The following TMEM26 variants were observed in gnomAD, a reference collection of about 807,000 sequenced individuals.
The protein encoded by TMEM26 is transmembrane protein 26.
Under a neutral mutation model 28.8 loss-of-function variants are expected in TMEM26, and 38 were observed. That is an observed-to-expected ratio of 1.32 (90% CI 1.02 to 1.73). The LOEUF (loss-of-function observed/expected upper bound fraction) is 1.73, where lower values mean the gene tolerates loss of function less well. Among genes scored for constraint, TMEM26 ranks in the 40% most tolerant of loss-of-function variants. The pLI, the probability that TMEM26 is intolerant of heterozygous loss-of-function variation, is 0.00. For synonymous variants in TMEM26, 227 were observed against 182.9 expected, an observed-to-expected ratio of 1.24 and a Z score of -1.95; for missense variants, 518 against 447.1, an observed-to-expected ratio of 1.16 and a Z score of -1.43.
At position 61,437,960 on chromosome 10, in the gene TMEM26, T is replaced by C. The variant is rs551244715; in HGVS notation, c.192-1712A>G. On this transcript the variant is annotated intron_variant, in intron 1 of 5. Transcript: ENST00000399298. ...CATGTTAATTGCTCAACAAATAGAA[T>C]TGTTCGAGATGAAATGTTACCCAAA... Among the ~76,000 whole-genome samples the C allele has an allele frequency of 2.6e-5, 4 of 152,210 alleles. No homozygotes were observed. The South Asian group carries it at 8.3e-4, about 32-fold the overall frequency.
intron 2 of TMEM26, among the ~76,000 whole-genome samples, chr10:61,431,781 G>T (rs938939987): frequency 6.6e-6 from 1 of 151,712 alleles, no homozygotes; most frequent in Non-Finnish European, 1.5e-5. Context: ...TTGTTACATG[G>T]GTAAATGGCA....
chr10:61,443,587 T>C (rs1444975588), intron 1 of TMEM26, among the ~76,000 whole-genome samples: 1 of 152,174 alleles, frequency 6.6e-6, no homozygotes, highest in African/African-American at 2.4e-5. Flanking sequence ...GAAAATCCAT[T>C]GCAATGAAAT....
chr10:61,425,484 A>G (rs1289573907), intron 4 of TMEM26, among the ~76,000 whole-genome samples: 1 of 152,194 alleles, frequency 6.6e-6, no homozygotes, highest in Admixed American at 6.6e-5. Flanking sequence ...TTTTCAGAAG[A>G]TAAACATTAA....
intron 4 of TMEM26, chr10:61,416,056 C>T: frequency 2.2e-6 from 1 of 449,126 alleles, no homozygotes; most frequent in Non-Finnish European, 4.5e-6. Context: ...ATAATATTAC[C>T]TCAAAATAGA....
At chr10:61,451,523 C>T (rs1200107225) in intron 1 of TMEM26, among the ~76,000 whole-genome samples, 2 of 152,148 alleles carry the variant, frequency 1.3e-5, no homozygotes, top group East Asian at 1.9e-4. Flanking sequence ...GCTGAGTGAA[C>T]AAACACTTTT....
At chr10:61,410,895 A>T in intron 5 of TMEM26, 149 bp from the exon 6 acceptor site, 1 of 880,868 alleles carries the variant, frequency 1.1e-6, no homozygotes, top group Non-Finnish European at 1.7e-6. Context: ...GGAATGATCC[A>T]GTAATTTAAT....
At chr10:61,431,973 CAT>C (rs780275983) in intron 2 of TMEM26, among the ~76,000 whole-genome samples, 24 of 151,970 alleles carry the variant, frequency 1.6e-4, no homozygotes, top group Non-Finnish European at 2.8e-4. Flanking sequence ...ATAAGTGAAA[CAT>C]GTGGTGTCTG....
intron 4 of TMEM26, among the ~76,000 whole-genome samples, chr10:61,417,487 A>G (rs1226607852): frequency 6.6e-6 from 1 of 151,714 alleles, no homozygotes; most frequent in East Asian, 1.9e-4. Flanking sequence ...TTTAATGACA[A>G]ATACCACCAG....
chr10:61,444,009 C>T (rs530222594), intron 1 of TMEM26, among the ~76,000 whole-genome samples: 15 of 152,276 alleles, frequency 9.9e-5, no homozygotes, highest in Middle Eastern at 3.4e-3. Context: ...TAACTGTCAC[C>T]ATCATGATAT....
chr10:61,441,327 T>C (rs994236631), intron 1 of TMEM26, among the ~76,000 whole-genome samples: 10 of 152,254 alleles, frequency 6.6e-5, no homozygotes, highest in African/African-American at 9.6e-5. Flanking sequence ...TTGATTTTTA[T>C]TGGAAGATTT....
chr10:61,451,566 C>T (rs1840280727), intron 1 of TMEM26, among the ~76,000 whole-genome samples: 1 of 152,166 alleles, frequency 6.6e-6, no homozygotes. Context: ...CTGAGGCTTA[C>T]TTGGGAAACT....
At chr10:61,410,820 G>A in intron 5 of TMEM26, 74 bp from the exon 6 acceptor site, 2 of 1,430,470 alleles carry the variant, frequency 1.4e-6, no homozygotes, top group South Asian at 1.3e-5. Context: ...ATGGGGACGA[G>A]TCATTAACAA....
chr10:61,414,975 A>T, intron 4 of TMEM26: 3 of 985,236 alleles, frequency 3.0e-6, no homozygotes, highest in Non-Finnish European at 3.6e-6. Context: ...GGCTCCCCAC[A>T]GGGGGACTCT....
At chr10:61,450,343 C>T (rs1840255664) in intron 1 of TMEM26, among the ~76,000 whole-genome samples, 1 of 152,106 alleles carries the variant, frequency 6.6e-6, no homozygotes, top group South Asian at 2.1e-4. Context: ...TTACACCTTG[C>T]TTTACTCAGA....
chr10:61,453,003 C>T lies in TMEM26; in HGVS notation c.79G>A (p.Val27Met). ...CGCGGCTCCTTCTTCACCTCGGTCACTCGCCAGACCCCGACCAGCGAGTGC... is the reference window on the plus strand; with the variant it reads ...CGCGGCTCCTTCTTCACCTCGGTCATTCGCCAGACCCCGACCAGCGAGTGC... Reference protein sequence around the residue: ...LLHSLVGVWRVTEVKKEPRYW... With the variant: ...LLHSLVGVWRMTEVKKEPRYW... Residue 27 changes from valine to methionine, a missense_variant, in exon 1 of 6, where the codon GTG becomes ATG. Coordinates refer to ENST00000399298, the MANE Select transcript of TMEM26 (RefSeq NM_178505.8). 6.2e-7 allele frequency: 1 copy of T among 1,614,022 alleles called. No individual in the cohort carries two copies. Among genetic ancestry groups the T allele is most frequent in the Non-Finnish European group, 8.5e-7 (1 of 1,180,032 alleles).
At chr10:61,416,195 T>C (rs983220078) in intron 4 of TMEM26, 1 of 416,986 alleles carries the variant, frequency 2.4e-6, no homozygotes, top group Non-Finnish European at 4.7e-6. Flanking sequence ...TTTCACAAGA[T>C]CTTTTGAAGT....
chr10:61,427,002 T>C (rs1006585620), intron 4 of TMEM26, among the ~76,000 whole-genome samples: 3 of 151,948 alleles, frequency 2.0e-5, no homozygotes, highest in Admixed American at 6.6e-5. Context: ...ATCTGAGTAA[T>C]AGAGGCACAT....
chr10:61,444,666 A>G (rs181130148), intron 1 of TMEM26, among the ~76,000 whole-genome samples: 4,012 of 151,874 alleles, frequency 0.026, 78 homozygotes, highest in Middle Eastern at 0.051. Context: ...AAAAAAAAAA[A>G]AAAAACACCA....
At chr10:61,415,882 T>A (rs1405283529) in intron 4 of TMEM26, among the ~76,000 whole-genome samples, 1 of 152,054 alleles carries the variant, frequency 6.6e-6, no homozygotes, top group Non-Finnish European at 1.5e-5. Flanking sequence ...AACTAAAAAC[T>A]AGAGATAATT....
Sources: allele counts gnomAD v4.1 joint callset (sites outside exome capture counted in the v4.1 genomes callset), GRCh38; gene constraint gnomAD v4.1.1; transcripts MANE v1.5; gene names NCBI Gene and HGNC (gene_info 2026-07-23, HGNC 2026-07-21).